MTR: variants seen among roughly 807,000 people sequenced by gnomAD.
The protein encoded by MTR is 5-methyltetrahydrofolate-homocysteine methyltransferase.
A neutral mutation model predicts 154.8 loss-of-function variants in MTR; 84 were observed. The ratio of observed to expected loss-of-function variants is 0.54; its 90% CI spans 0.45 to 0.65. The LOEUF is 0.65. Among genes scored for constraint, MTR ranks in the 30% least tolerant of loss-of-function variants. The pLI, the probability that MTR is intolerant of heterozygous loss-of-function variation, is 0.00. For synonymous variants in MTR, 554 were observed against 553.9 expected, an observed-to-expected ratio of 1.00 and a Z score of 0.00; for missense variants, 1,275 against 1,570.2, an observed-to-expected ratio of 0.81 and a Z score of 3.18.
chr1:236,833,064 T>C (rs1365598483), intron 13 of MTR, among the ~76,000 whole-genome samples: 4 of 152,200 alleles, frequency 2.6e-5, no homozygotes, highest in Non-Finnish European at 5.9e-5. Context: ...AATTCCTTAG[T>C]CTGTCATTCC....
chr1:236,828,237 A>G (rs1474156861), intron 11 of MTR, among the ~76,000 whole-genome samples: 2 of 152,190 alleles, frequency 1.3e-5, no homozygotes, highest in Non-Finnish European at 1.5e-5. Flanking sequence ...TTGGCCTCCC[A>G]AAGTGCTGGG....
At chr1:236,866,949 GT>G (rs1664854663) in intron 22 of MTR, among the ~76,000 whole-genome samples, 2 of 152,216 alleles carry the variant, frequency 1.3e-5, no homozygotes, top group South Asian at 4.1e-4. Context: ...GGTTCATGAG[GT>G]TTAAGGAAAG....
At chr1:236,834,658 A>G (rs1662802141) in intron 13 of MTR, among the ~76,000 whole-genome samples, 1 of 152,018 alleles carries the variant, frequency 6.6e-6, no homozygotes, top group Non-Finnish European at 1.5e-5. Flanking sequence ...ATCAGCATCT[A>G]CTATTGATTT....
chr1:236,861,996 A>T (rs1214084446), intron 20 of MTR, among the ~76,000 whole-genome samples: 1 of 152,254 alleles, frequency 6.6e-6, no homozygotes, highest in African/African-American at 2.4e-5. Flanking sequence ...GCCAAAGTTC[A>T]GAAGACAGAA....
At chr1:236,828,090 G>T (rs1662397975) in intron 11 of MTR, among the ~76,000 whole-genome samples, 1 of 152,016 alleles carries the variant, frequency 6.6e-6, no homozygotes. Flanking sequence ...CCATTCTCCT[G>T]CCTCAGCCTC....
chr1:236,824,575 A>T (rs1662172171), intron 9 of MTR, among the ~76,000 whole-genome samples: 1 of 152,242 alleles, frequency 6.6e-6, no homozygotes, highest in African/African-American at 2.4e-5. Flanking sequence ...GAGCAAAAGA[A>T]GAATCTTGTG....
At chr1:236,869,731 A>G (rs1665020376) in intron 22 of MTR, among the ~76,000 whole-genome samples, 1 of 81,240 alleles carries the variant, frequency 1.2e-5, no homozygotes, top group Non-Finnish European at 2.5e-5. Flanking sequence ...GGATGGTGGG[A>G]AGAATGGTAG....
At chr1:236,881,468 T>C (rs1167005910) in intron 25 of MTR, among the ~76,000 whole-genome samples, 2 of 152,060 alleles carry the variant, frequency 1.3e-5, no homozygotes, top group East Asian at 3.9e-4. Flanking sequence ...AGCCACAGAA[T>C]CTTTGTCTGT....
intron 8 of MTR, among the ~76,000 whole-genome samples, chr1:236,822,540 G>A (rs1392138750): frequency 1.3e-5 from 2 of 151,882 alleles, no homozygotes; most frequent in African/African-American, 4.8e-5. Context: ...AAACTCCTGG[G>A]CTCAGGTGAT....
chr1:236,852,799 T>G, intron 17 of MTR, 149 bp from the exon 18 acceptor site: 1 of 1,085,328 alleles, frequency 9.2e-7, no homozygotes, highest in Non-Finnish European at 1.4e-6. Flanking sequence ...TGTCTGTGGC[T>G]GCTTTTATGC....
At chr1:236,837,425 C>T (rs1426880290) in intron 14 of MTR, among the ~76,000 whole-genome samples, 1 of 152,186 alleles carries the variant, frequency 6.6e-6, no homozygotes, top group African/African-American at 2.4e-5. Context: ...CTGAAATATG[C>T]TTCCATGGCA....
At chr1:236,803,670 A>G in intron 2 of MTR, 28 bp downstream of exon 2, 1 of 1,599,758 alleles carries the variant, frequency 6.3e-7, no homozygotes, top group Non-Finnish European at 8.6e-7. Flanking sequence ...TCCCATGTGT[A>G]TTCATTCTGT....
chr1:236,872,724 GGCTCAAGCCTATAATCCTA>G (rs1225764817), intron 22 of MTR, among the ~76,000 whole-genome samples: 1 of 152,166 alleles, frequency 6.6e-6, no homozygotes, highest in Non-Finnish European at 1.5e-5. Flanking sequence ...CGGGCACTGT[GGCTCAAGCCTATAATCCTA>G]GCTCAAGCCT....
intron 6 of MTR, among the ~76,000 whole-genome samples, chr1:236,813,507 A>G (rs1572198438): frequency 6.6e-6 from 1 of 152,186 alleles, no homozygotes. Context: ...GCAATGTACA[A>G]TAGTCCTGGT....
rs548272460 is a variant in MTR, at chr1:236,895,310, G to A, written c.3406-48G>A. The A allele has an allele frequency of 4.5e-6, 7 of 1,553,008 alleles. No homozygotes were observed. The Admixed American group carries it at 9.6e-5, about 21-fold the overall frequency. ...AGGGGGTGGAGGCTGCACTGATGCT[G>A]TGAGCCCCTGCGTCTGCCTAAGCAT... is the stretch of plus-strand genomic sequence containing the variant. On this transcript the variant is annotated intron_variant, in intron 30 of 32. Coordinates refer to ENST00000366577, the MANE Select transcript of MTR (RefSeq NM_000254.3).
At chr1:236,878,085 A>T (rs1219673053) in intron 24 of MTR, among the ~76,000 whole-genome samples, 1 of 151,920 alleles carries the variant, frequency 6.6e-6, no homozygotes, top group Middle Eastern at 3.4e-3. Context: ...CAAGTCCTTT[A>T]TCAGAAATAC....
At chr1:236,846,996 C>T (rs774080397) in intron 15 of MTR, among the ~76,000 whole-genome samples, 2 of 152,298 alleles carry the variant, frequency 1.3e-5, no homozygotes, top group Middle Eastern at 3.4e-3. Context: ...AAGCAATTCT[C>T]CTGACTCAGC....
chr1:236,802,717 G>A (rs1287970297), intron 1 of MTR, among the ~76,000 whole-genome samples: 2 of 152,148 alleles, frequency 1.3e-5, no homozygotes, highest in Non-Finnish European at 2.9e-5. Context: ...GATGTTGGAA[G>A]TATTGAGGGA....
Position 236,831,989 on chromosome 1 carries a change from C to A in MTR, c.1099C>A (p.Pro367Thr). 1 of 1,614,120 alleles carries A rather than the reference C, an allele frequency of 6.2e-7. No individual in the cohort carries two copies. Reference protein sequence around the residue: ...LSGLEPFRIGPYTNFVNIGER... With the variant: ...LSGLEPFRIGTYTNFVNIGER... ...AGGTCTAGAGCCCTTCAGGATTGGA[C>A]CGTACACCAACTTTGTTAACATTGG... The change falls in exon 13 of 33, where the codon CCG becomes ACG. Residue 367 changes from proline to threonine, a missense_variant. By Grantham distance (38) the Pro-to-Thr change is conservative (BLOSUM62 -1). Transcript: ENST00000366577.
Sources: gnomAD v4.1 joint callset for allele counts (sites outside exome capture counted in the v4.1 genomes callset) on GRCh38, gnomAD v4.1.1 for gene constraint, MANE v1.5 for transcripts, NCBI Gene and HGNC (gene_info 2026-07-23, HGNC 2026-07-21) for gene names.